Variants in TMOD3 observed in about 807,000 individuals in gnomAD.
TMOD3 encodes tropomodulin-3.
Under a neutral mutation model 39.2 loss-of-function variants are expected in TMOD3, and 20 were observed. The ratio of observed to expected loss-of-function variants is 0.51; its 90% CI spans 0.36 to 0.74. The LOEUF (loss-of-function observed/expected upper bound fraction) is 0.74, where lower values mean the gene tolerates loss of function less well. Ranked by LOEUF, TMOD3 falls within the 30% of genes least tolerant of loss-of-function variation. TMOD3 has a pLI of 0.00. For missense variants in TMOD3, 381 were observed against 412.8 expected, an observed-to-expected ratio of 0.92 and a Z score of 0.67; for synonymous variants, 143 against 145.8, an observed-to-expected ratio of 0.98 and a Z score of 0.14.
intron 9 of TMOD3, among the ~76,000 whole-genome samples, chr15:51,902,643 T>G (rs1020588063): frequency 1.1e-5 from 1 of 90,350 alleles, no homozygotes; most frequent in Non-Finnish European, 2.2e-5. Flanking sequence ...CTAATTTTTG[T>G]ATTTTTTTTT....
intron 4 of TMOD3, 115 bp downstream of exon 4, chr15:51,887,826 C>T (rs899878729): frequency 7.7e-7 from 1 of 1,294,188 alleles, no homozygotes; most frequent in Non-Finnish European, 1.1e-6. Flanking sequence ...ACTGTTAAAT[C>T]AGTAACCACA....
intron 3 of TMOD3, among the ~76,000 whole-genome samples, chr15:51,878,376 A>ATATGTG (rs112690572): frequency 4.8e-5 from 7 of 147,318 alleles, no homozygotes; most frequent in Admixed American, 2.1e-4. Context: ...TTTAAAATAT[A>ATATGTG]TGTGTGTGTG....
rs2056717466 is a variant in TMOD3 at position 51,912,643 on chromosome 15, C to G, written c.*3833C>G. 1 of 152,144 alleles carries G rather than the reference C, an allele frequency of 6.6e-6. No homozygotes were observed. The highest frequency in any genetic ancestry group is 2.1e-4 in the South Asian group (1 of 4,832). The allele number at this position is 152,144 out of a possible 1,614,324, so 9.4% of individuals were successfully genotyped here. A position where few individuals can be genotyped will look rare whatever the true frequency, so the allele number is the denominator to read the frequency against. ...CCAGCAGATGCAAGGATCATGCTTT[C>G]TCTGGAGTCCTTAGTCACTTCCATT... On this transcript the variant is annotated 3_prime_UTR_variant, in exon 10 of 10. Coordinates refer to ENST00000308580, the MANE Select transcript of TMOD3 (RefSeq NM_014547.5).
intron 1 of TMOD3, among the ~76,000 whole-genome samples, chr15:51,830,099 GC>G (rs1319872233): frequency 6.6e-6 from 1 of 152,104 alleles, no homozygotes; most frequent in African/African-American, 2.4e-5. Context: ...ATCACCCGCG[GC>G]CCGGGCGCCC....
intron 3 of TMOD3, among the ~76,000 whole-genome samples, chr15:51,872,079 T>C (rs1451300462): frequency 6.6e-6 from 1 of 152,160 alleles, no homozygotes; most frequent in East Asian, 1.9e-4. Context: ...AAACACACCA[T>C]GTAATTACCA....
rs1331659908 is a variant in TMOD3, at chr15:51,870,184, C to G, written c.283+811C>G. 2.6e-5 allele frequency among the ~76,000 whole-genome samples: 4 copies of G among 152,154 alleles called. No homozygotes were observed. In the East Asian group the frequency reaches 5.8e-4, roughly 22 times the overall value. ...GAACTCCTGACCTCAAGTGATCCAC[C>G]CACCTAGGCCTCCTAAAGTGCTGGG... On this transcript the variant is annotated intron_variant, in intron 3 of 9. Transcript: ENST00000308580.
At chr15:51,843,734 G>T (rs2056323242) in intron 1 of TMOD3, among the ~76,000 whole-genome samples, 1 of 152,088 alleles carries the variant, frequency 6.6e-6, no homozygotes, top group Non-Finnish European at 1.5e-5. Flanking sequence ...TGTTTCCTTA[G>T]GGAAAAGGTT....
At chr15:51,842,306 C>T (rs181833553) in intron 1 of TMOD3, among the ~76,000 whole-genome samples, 82 of 152,284 alleles carry the variant, frequency 5.4e-4, no homozygotes, top group African/African-American at 1.7e-3. Context: ...TACCCTAGCT[C>T]ATGTCACCAG....
chr15:51,862,968 A>G lies in TMOD3; in HGVS notation c.84A>G (p.Glu28=). 1 of 1,614,112 alleles carries G rather than the reference A, an allele frequency of 6.2e-7. No homozygotes were observed. Among genetic ancestry groups the G allele is most frequent in the Non-Finnish European group, 8.5e-7 (1 of 1,179,958 alleles). The change falls in exon 2 of 10, where the codon GAA becomes GAG. Residue 28 remains glutamate (E), a synonymous_variant. Transcript: ENST00000308580. ...DELLGNLSET[E]LKQLETVLDD... The stretch of plus-strand genomic sequence containing the variant: ...TCCTTGGGAATCTGTCAGAAACAGA[A>G]CTGAAACAACTGGAAACTGTTTTGG...
intron 1 of TMOD3, among the ~76,000 whole-genome samples, chr15:51,832,203 T>TTTTATATA (rs371264278): frequency 3.8e-5 from 3 of 79,334 alleles, no homozygotes; most frequent in East Asian, 6.8e-4. Context: ...AGAAAAAAAA[T>TTTTATATA]TATATATATA....
chr15:51,849,414 A>C (rs189099084), intron 1 of TMOD3, among the ~76,000 whole-genome samples: 2 of 152,290 alleles, frequency 1.3e-5, no homozygotes, highest in Middle Eastern at 3.4e-3. Flanking sequence ...ATATCAATTT[A>C]AAAGTTATCA....
intron 6 of TMOD3, 149 bp from the exon 7 acceptor site, chr15:51,896,270 T>C: frequency 3.4e-6 from 2 of 584,708 alleles, no homozygotes; most frequent in Non-Finnish European, 6.0e-6. Flanking sequence ...GGAAGCTGCA[T>C]TATTTGTATT....
chr15:51,868,188 T>C (rs531387703), intron 2 of TMOD3, among the ~76,000 whole-genome samples: 44 of 152,290 alleles, frequency 2.9e-4, no homozygotes, highest in African/African-American at 1.0e-3. Flanking sequence ...GTCTGTACAA[T>C]GAAATGGAAG....
chr15:51,868,790 G>T (rs951657916), intron 2 of TMOD3, among the ~76,000 whole-genome samples: 1 of 152,120 alleles, frequency 6.6e-6, no homozygotes, highest in Non-Finnish European at 1.5e-5. Context: ...TGGCCAACAT[G>T]GCAAAACCCC....
chr15:51,889,675 G>T (rs1239339306), intron 5 of TMOD3, among the ~76,000 whole-genome samples: 1 of 152,006 alleles, frequency 6.6e-6, no homozygotes, highest in Non-Finnish European at 1.5e-5. Context: ...TTCAGGACCA[G>T]CATTGGAAAC....
rs141638541 is a variant in TMOD3, at chr15:51,864,816, G to A, written c.126+1806G>A. Among the ~76,000 whole-genome samples the A allele has an allele frequency of 3.0e-4, 45 of 152,196 alleles. No homozygotes were observed. The East Asian group carries it at 6.6e-3, about 22-fold the overall frequency. ...GGAAATACTGGCTTGGTAAGTGAGC[G>A]TTAGATAAAAAAGAGGTGGTTAGGA... On this transcript the variant is annotated intron_variant, in intron 2 of 9. Coordinates refer to ENST00000308580, the MANE Select transcript of TMOD3 (RefSeq NM_014547.5).
intron 3 of TMOD3, among the ~76,000 whole-genome samples, chr15:51,881,904 A>C (rs2056536855): frequency 6.7e-6 from 1 of 148,932 alleles, no homozygotes; most frequent in Non-Finnish European, 1.5e-5. Context: ...TATTTTATTT[A>C]TTTATTTTGA....
intron 5 of TMOD3, among the ~76,000 whole-genome samples, chr15:51,890,594 T>C (rs2056587737): frequency 6.6e-6 from 1 of 152,184 alleles, no homozygotes; most frequent in African/African-American, 2.4e-5. Flanking sequence ...TTAATTTGCA[T>C]GTGAGAAAGC....
At chr15:51,902,083 C>T (rs370480725) in intron 9 of TMOD3, 47 bp downstream of exon 9, 26 of 1,594,394 alleles carry the variant, frequency 1.6e-5, no homozygotes, top group South Asian at 3.4e-5. Flanking sequence ...CACAAGCTAA[C>T]GTATTGGGGG....
Sources: gnomAD v4.1 joint callset for allele counts (sites outside exome capture counted in the v4.1 genomes callset) on GRCh38, gnomAD v4.1.1 for gene constraint, MANE v1.5 for transcripts, NCBI Gene and HGNC (gene_info 2026-07-23, HGNC 2026-07-21) for gene names.